The following IMMP2L variants were observed in gnomAD, a reference collection of about 807,000 sequenced individuals.
The protein encoded by IMMP2L is mitochondrial inner membrane protease subunit 2.
Under a neutral mutation model 19.3 loss-of-function variants are expected in IMMP2L, and 18 were observed. The ratio of observed to expected loss-of-function variants is 0.93; its 90% CI spans 0.64 to 1.38. IMMP2L has a LOEUF of 1.38. Among genes scored for constraint, IMMP2L ranks in the 40% most tolerant of loss-of-function variants. The pLI is 0.00. For missense variants in IMMP2L, 233 were observed against 218.2 expected (o/e 1.07, Z -0.43); for synonymous variants, 76 against 73.0 (o/e 1.04, Z -0.21).
At chr7:111,318,277 T>C (rs1269523596) in intron 3 of IMMP2L, among the ~76,000 whole-genome samples, 6 of 152,140 alleles carry the variant, frequency 3.9e-5, no homozygotes, top group Non-Finnish European at 2.9e-5. Flanking sequence ...CCCAGATGCC[T>C]GGTTAATACA....
chr7:110,940,974 G>C (rs1181646126), intron 4 of IMMP2L, among the ~76,000 whole-genome samples: 2 of 152,118 alleles, frequency 1.3e-5, no homozygotes, highest in African/African-American at 4.8e-5. Flanking sequence ...AAAATTCTTA[G>C]GGGACCAATC....
intron 3 of IMMP2L, among the ~76,000 whole-genome samples, chr7:111,485,257 T>C (rs1481416479): frequency 6.6e-6 from 1 of 152,174 alleles, no homozygotes; most frequent in East Asian, 1.9e-4. Context: ...ACATGAAAGT[T>C]TGTGTTATTT....
At chr7:111,446,841 C>T (rs1350617975) in intron 3 of IMMP2L, among the ~76,000 whole-genome samples, 1 of 151,236 alleles carries the variant, frequency 6.6e-6, no homozygotes, top group African/African-American at 2.4e-5. Context: ...ACTAGAATAA[C>T]CAATACAGAG....
At chr7:110,969,957 AAAC>A (rs1210623107) in intron 3 of IMMP2L, among the ~76,000 whole-genome samples, 3 of 152,168 alleles carry the variant, frequency 2.0e-5, no homozygotes, top group South Asian at 2.1e-4. Flanking sequence ...AGTACTGATG[AAAC>A]AACAACAGAA....
chr7:111,035,878 T>C (rs1791293853), intron 3 of IMMP2L, among the ~76,000 whole-genome samples: 1 of 152,146 alleles, frequency 6.6e-6, no homozygotes, highest in African/African-American at 2.4e-5. Flanking sequence ...TGTATAACAT[T>C]CCACATTTGA....
intron 3 of IMMP2L, among the ~76,000 whole-genome samples, chr7:111,375,388 G>C (rs1208151090): frequency 1.3e-5 from 2 of 152,006 alleles, no homozygotes; most frequent in African/African-American, 4.8e-5. Flanking sequence ...CAACTGGCTC[G>C]TTCATAATAT....
intron 3 of IMMP2L, among the ~76,000 whole-genome samples, chr7:111,112,106 C>G (rs1210946575): frequency 6.6e-6 from 1 of 151,428 alleles, no homozygotes; most frequent in Non-Finnish European, 1.5e-5. Context: ...TGCCACCACA[C>G]CCGGCTAATT....
rs151080722 is a variant in IMMP2L, at chr7:111,206,866, G to A, written c.240-243301C>T. 5.9e-5 allele frequency among the ~76,000 whole-genome samples: 9 copies of A among 152,102 alleles called. No individual in the cohort carries two copies. The East Asian group carries it at 1.7e-3, about 29-fold the overall frequency. On this transcript the variant is annotated intron_variant, in intron 3 of 5. Transcript: ENST00000405709. ...ATAACAAACAATAAGCCTCATCAGGGGAGATGATTTTCCTTAGGTGTTACT... is the reference window on the plus strand; with the variant it reads ...ATAACAAACAATAAGCCTCATCAGGAGAGATGATTTTCCTTAGGTGTTACT...
chr7:111,178,112 G>A (rs975514030), intron 3 of IMMP2L, among the ~76,000 whole-genome samples: 14 of 151,858 alleles, frequency 9.2e-5, no homozygotes, highest in Admixed American at 3.9e-4. Context: ...AAATACAGGC[G>A]TACCTTGGAG....
At chr7:110,970,327 T>C (rs927068676) in intron 3 of IMMP2L, among the ~76,000 whole-genome samples, 3 of 152,110 alleles carry the variant, frequency 2.0e-5, no homozygotes, top group Non-Finnish European at 4.4e-5. Flanking sequence ...TCTTCAAGTA[T>C]TTAATATAAT....
intron 5 of IMMP2L, among the ~76,000 whole-genome samples, chr7:110,795,652 T>G (rs189500414): frequency 6.6e-6 from 1 of 152,174 alleles, no homozygotes; most frequent in Non-Finnish European, 1.5e-5. Context: ...GCACAGTCAA[T>G]CTGGGATTCA....
chr7:110,855,004 G>C (rs1171995785), intron 5 of IMMP2L, among the ~76,000 whole-genome samples: 1 of 151,996 alleles, frequency 6.6e-6, no homozygotes, highest in Non-Finnish European at 1.5e-5. Context: ...TTAAACTCAT[G>C]AAAGGACAGT....
At chr7:111,048,249 A>AAAG (rs1792622089) in intron 3 of IMMP2L, among the ~76,000 whole-genome samples, 5 of 140,706 alleles carry the variant, frequency 3.6e-5, no homozygotes, top group African/African-American at 1.3e-4. Flanking sequence ...AAAAAAAAAA[A>AAAG]AAAAAAAAAA....
intron 5 of IMMP2L, among the ~76,000 whole-genome samples, chr7:110,756,670 T>A (rs2130945836): frequency 6.6e-6 from 1 of 152,258 alleles, no homozygotes; most frequent in African/African-American, 2.4e-5. Context: ...AAAATTATAC[T>A]CATGCGTACA....
intron 3 of IMMP2L, among the ~76,000 whole-genome samples, chr7:111,261,314 G>C (rs1466392155): frequency 6.6e-6 from 1 of 152,018 alleles, no homozygotes; most frequent in Non-Finnish European, 1.5e-5. Flanking sequence ...TCCCTGACCA[G>C]AGCCCACTGA....
At chr7:111,483,451 G>C (rs1401608615) in intron 3 of IMMP2L, 1 of 152,098 alleles carries the variant, frequency 6.6e-6, no homozygotes, top group African/African-American at 2.4e-5. Flanking sequence ...ATATACTATA[G>C]TGAGGACTTG....
intron 5 of IMMP2L, among the ~76,000 whole-genome samples, chr7:110,825,152 G>T (rs558528367): frequency 2.2e-4 from 33 of 152,186 alleles, no homozygotes; most frequent in African/African-American, 7.7e-4. Context: ...CCTCCTCAAG[G>T]AGAACTAAAA....
intron 5 of IMMP2L, among the ~76,000 whole-genome samples, chr7:110,791,559 A>AATC (rs1800461280): frequency 6.6e-6 from 1 of 151,772 alleles, no homozygotes. Context: ...GGGACCAGTA[A>AATC]GCAAAACAAT....
At chr7:110,827,706 G>A (rs1803628189) in intron 5 of IMMP2L, among the ~76,000 whole-genome samples, 1 of 152,134 alleles carries the variant, frequency 6.6e-6, no homozygotes, top group African/African-American at 2.4e-5. Flanking sequence ...ATTTTAATTG[G>A]ACTTGAAGGA....
Sources: allele counts gnomAD v4.1 joint callset (sites outside exome capture counted in the v4.1 genomes callset), GRCh38; gene constraint gnomAD v4.1.1; transcripts MANE v1.5; gene names NCBI Gene and HGNC (gene_info 2026-07-23, HGNC 2026-07-21).